DCC: variants seen among roughly 807,000 people sequenced by gnomAD.
DCC encodes the protein DCC netrin 1 receptor.
A neutral mutation model predicts 172.5 loss-of-function variants in DCC; 58 were observed. That is an observed-to-expected ratio of 0.34 (90% CI 0.27 to 0.42). The LOEUF is 0.42. Among genes scored for constraint, DCC ranks in the 10% least tolerant of loss-of-function variants. DCC has a pLI of 1.00. For missense variants in DCC, 1,740 were observed against 1,791.0 expected (o/e 0.97, Z 0.51); for synonymous variants, 709 against 644.5 (o/e 1.10, Z -1.52).
chr18:53,180,366 T>G (rs1389159805), intron 9 of DCC, among the ~76,000 whole-genome samples: 1 of 152,210 alleles, frequency 6.6e-6, no homozygotes, highest in South Asian at 2.1e-4. Context: ...CATAGTCATG[T>G]TGAGGTTCCA....
At chr18:53,020,890 A>G (rs1270593674) in intron 5 of DCC, among the ~76,000 whole-genome samples, 3 of 152,294 alleles carry the variant, frequency 2.0e-5, no homozygotes, top group East Asian at 3.9e-4. Context: ...GGTAGTTCCA[A>G]TAGCTCATTA....
rs1173483940 is a variant in DCC, at chr18:52,918,301, A to G, written c.698-5406A>G. 2.6e-5 allele frequency among the ~76,000 whole-genome samples: 4 copies of G among 152,154 alleles called. No individual in the cohort carries two copies. In the East Asian group the frequency reaches 7.7e-4, roughly 29 times the overall value. On this transcript the variant is annotated intron_variant, in intron 3 of 28. Transcript: ENST00000442544. ...TGAATAGTGGTGCCCATATAACGAG[A>G]ACACAAATGATTTTTAATCAGTAAT...
At chr18:53,461,636 T>A (rs1173616366) in intron 24 of DCC, among the ~76,000 whole-genome samples, 1 of 152,224 alleles carries the variant, frequency 6.6e-6, no homozygotes, top group Non-Finnish European at 1.5e-5. Flanking sequence ...ATTATTTGAA[T>A]GTGTTGCTGT....
intron 12 of DCC, among the ~76,000 whole-genome samples, chr18:53,278,261 C>G (rs930659179): frequency 6.6e-6 from 1 of 152,012 alleles, no homozygotes; most frequent in Non-Finnish European, 1.5e-5. Flanking sequence ...GTGCTGTTCT[C>G]ATTTTCTAGA....
At chr18:52,704,111 T>C (rs2036168669) in intron 1 of DCC, among the ~76,000 whole-genome samples, 1 of 138,954 alleles carries the variant, frequency 7.2e-6, no homozygotes, top group Non-Finnish European at 1.5e-5. Context: ...TCTAAAGTAG[T>C]TTGTAGGTAT....
intron 1 of DCC, among the ~76,000 whole-genome samples, chr18:52,644,195 AC>A (rs1034807104): frequency 8.6e-5 from 13 of 152,000 alleles, no homozygotes; most frequent in African/African-American, 3.1e-4. Context: ...GCATCACCAG[AC>A]CCCCTTGGGC....
intron 23 of DCC, among the ~76,000 whole-genome samples, chr18:53,458,941 C>T (rs950840803): frequency 6.6e-6 from 1 of 152,160 alleles, no homozygotes; most frequent in African/African-American, 2.4e-5. Context: ...TCCATCTAAC[C>T]CATTTTCACC....
intron 1 of DCC, among the ~76,000 whole-genome samples, chr18:52,481,723 A>G (rs1332281176): frequency 1.3e-5 from 2 of 152,092 alleles, no homozygotes; most frequent in Non-Finnish European, 2.9e-5. Context: ...TAGGGTCCAG[A>G]TCTGGCTCTG....
At chr18:53,077,178 AGCC>A (rs2042734971) in intron 7 of DCC, among the ~76,000 whole-genome samples, 1 of 152,058 alleles carries the variant, frequency 6.6e-6, no homozygotes, top group Admixed American at 6.6e-5. Context: ...TTGGCCAATC[AGCC>A]AAGCTATTTG....
chr18:52,515,709 C>A (rs1415201578), intron 1 of DCC, among the ~76,000 whole-genome samples: 1 of 148,960 alleles, frequency 6.7e-6, no homozygotes, highest in African/African-American at 2.5e-5. Context: ...AGTCCTCACA[C>A]TCCAAAAGAA....
chr18:53,318,666 TG>T (rs1206085516), intron 13 of DCC, among the ~76,000 whole-genome samples: 3 of 152,128 alleles, frequency 2.0e-5, no homozygotes, highest in African/African-American at 7.2e-5. Context: ...TGGGTGCTCC[TG>T]TATTGGGTGC....
chr18:53,068,774 T>TGTGTGA (rs1491058294), intron 7 of DCC, among the ~76,000 whole-genome samples: 2 of 72,520 alleles, frequency 2.8e-5, no homozygotes, highest in African/African-American at 8.6e-5. Context: ...TTTTAGACTG[T>TGTGTGA]GTGTGTGTGT....
At chr18:53,416,517 A>C (rs913552482) in intron 21 of DCC, 1 of 360,254 alleles carries the variant, frequency 2.8e-6, no homozygotes, top group Non-Finnish European at 5.3e-6. Flanking sequence ...TTCCTGAGCT[A>C]TGGATTAAAG....
chr18:52,917,134 AAAC>A (rs1368824459), intron 3 of DCC, among the ~76,000 whole-genome samples: 1 of 145,550 alleles, frequency 6.9e-6, no homozygotes, highest in African/African-American at 2.7e-5. Flanking sequence ...AAAAAAAAGA[AAAC>A]AAAAAAAAAA....
chr18:53,153,825 G>A (rs1351750576), intron 7 of DCC, among the ~76,000 whole-genome samples: 13 of 152,126 alleles, frequency 8.5e-5, no homozygotes, highest in Admixed American at 8.5e-4. Flanking sequence ...AGGGGGCTCA[G>A]CATGAGGAGA....
At chr18:52,845,644 C>T (rs2038874773) in intron 2 of DCC, among the ~76,000 whole-genome samples, 1 of 152,162 alleles carries the variant, frequency 6.6e-6, no homozygotes, top group African/African-American at 2.4e-5. Context: ...AAGATTGCTC[C>T]TCCATCATAG....
intron 2 of DCC, among the ~76,000 whole-genome samples, chr18:52,770,742 A>T (rs2037327597): frequency 1.3e-5 from 2 of 152,238 alleles, no homozygotes; most frequent in South Asian, 2.1e-4. Context: ...GACTTTAGTT[A>T]TCAGTGTACA....
At chr18:53,353,327 T>G (rs911504264) in intron 15 of DCC, among the ~76,000 whole-genome samples, 15 of 152,036 alleles carry the variant, frequency 9.9e-5, no homozygotes, top group Admixed American at 2.6e-4. Context: ...AATTCTATTT[T>G]TTTAAAAAAA....
intron 1 of DCC, among the ~76,000 whole-genome samples, chr18:52,416,584 T>C (rs1209324007): frequency 1.3e-5 from 2 of 151,768 alleles, no homozygotes; most frequent in Non-Finnish European, 1.5e-5. Flanking sequence ...ATATTTAGGA[T>C]AGTTAGCTCT....
Sources: gnomAD v4.1 joint callset for allele counts (sites outside exome capture counted in the v4.1 genomes callset) on GRCh38, gnomAD v4.1.1 for gene constraint, MANE v1.5 for transcripts, NCBI Gene and HGNC (gene_info 2026-07-23, HGNC 2026-07-21) for gene names.